Variants in LAMA2 observed in about 807,000 individuals in gnomAD.
LAMA2 encodes laminin subunit alpha 2, also known as laminin subunit alpha-2.
LAMA2 carries 269 observed loss-of-function variants against 364.8 expected under a neutral mutation model. The observed-to-expected ratio is 0.74, with a 90% CI of 0.67 to 0.82. LAMA2 has a LOEUF of 0.82. Among genes scored for constraint, LAMA2 ranks in the 40% least tolerant of loss-of-function variants. The pLI is 0.00. For synonymous variants in LAMA2, 1,379 were observed against 1,370.6 expected (o/e 1.01, Z -0.14); for missense variants, 3,807 against 3,873.2 (o/e 0.98, Z 0.45).
chr6:129,215,196 C>T (rs1197048330), intron 12 of LAMA2, among the ~76,000 whole-genome samples: 1 of 152,080 alleles, frequency 6.6e-6, no homozygotes, highest in East Asian at 1.9e-4. Context: ...TCTCATCTTC[C>T]TTCTGAGAAC....
chr6:129,007,747 G>A (rs1375528121), intron 1 of LAMA2, among the ~76,000 whole-genome samples: 3 of 152,078 alleles, frequency 2.0e-5, no homozygotes, highest in Non-Finnish European at 2.9e-5. Flanking sequence ...TCCATTTTAG[G>A]CTGCCATTTT....
intron 9 of LAMA2, among the ~76,000 whole-genome samples, chr6:129,168,549 G>C (rs1779913427): frequency 6.6e-6 from 1 of 150,918 alleles, no homozygotes; most frequent in Non-Finnish European, 1.5e-5. Context: ...CCAGTACCAT[G>C]CTGTTTTGGT....
intron 52 of LAMA2, among the ~76,000 whole-genome samples, chr6:129,474,323 T>C (rs1166764705): frequency 2.0e-5 from 3 of 152,126 alleles, no homozygotes; most frequent in African/African-American, 7.2e-5. Flanking sequence ...CTGAAATTTC[T>C]TCTCCCCAAA....
chr6:129,210,700 G>T (rs1365489602), intron 12 of LAMA2, among the ~76,000 whole-genome samples: 2 of 152,092 alleles, frequency 1.3e-5, no homozygotes, highest in African/African-American at 4.8e-5. Context: ...AGGGCCTGTT[G>T]GGAAGAGGTT....
intron 12 of LAMA2, among the ~76,000 whole-genome samples, chr6:129,213,040 G>A (rs1783198336): frequency 6.6e-6 from 1 of 152,150 alleles, no homozygotes; most frequent in African/African-American, 2.4e-5. Flanking sequence ...TTTTTCAGAA[G>A]TGACAAAAGT....
intron 12 of LAMA2, among the ~76,000 whole-genome samples, chr6:129,229,692 G>A (rs191467882): frequency 6.6e-6 from 1 of 152,280 alleles, no homozygotes; most frequent in Non-Finnish European, 1.5e-5. Flanking sequence ...AAATGATCAA[G>A]TGTGGTTTGA....
At chr6:129,449,728 A>C (rs1378535496) in intron 45 of LAMA2, among the ~76,000 whole-genome samples, 2 of 152,240 alleles carry the variant, frequency 1.3e-5, no homozygotes, top group East Asian at 3.9e-4. Context: ...CTCAGTTTTA[A>C]AATGGCTTCT....
intron 1 of LAMA2, among the ~76,000 whole-genome samples, chr6:128,916,454 A>G (rs541363155): frequency 2.0e-5 from 3 of 152,328 alleles, no homozygotes; most frequent in African/African-American, 7.2e-5. Flanking sequence ...CTGTTACATG[A>G]ATACCTGAGT....
chr6:129,282,737 C>T (rs1181472597), intron 18 of LAMA2, among the ~76,000 whole-genome samples: 2 of 152,148 alleles, frequency 1.3e-5, no homozygotes, highest in Admixed American at 6.5e-5. Context: ...CATTCAGCTT[C>T]TTTCATTCCA....
chr6:129,322,990 C>T (rs1031632890), intron 28 of LAMA2, among the ~76,000 whole-genome samples: 2 of 152,128 alleles, frequency 1.3e-5, no homozygotes, highest in African/African-American at 4.8e-5. Context: ...GTGGCTTCAC[C>T]GTCCCATGAC....
rs570911826 is a variant in LAMA2 at position 128,941,637 on chromosome 6, A to C, written c.112+58280A>C. ...CAAGGTTCAGAAACAAAAAAAATAA[A>C]TGACATTCTGGAAAAAATAGATGTG... is the stretch of plus-strand genomic sequence containing the variant. On this transcript the variant is annotated intron_variant, in intron 1 of 64. Coordinates refer to ENST00000421865, the MANE Select transcript of LAMA2 (RefSeq NM_000426.4). 4.6e-5 allele frequency among the ~76,000 whole-genome samples: 7 copies of C among 152,264 alleles called. No homozygotes were observed. The East Asian group carries it at 1.3e-3, about 29-fold the overall frequency.
chr6:129,460,054 GA>G lies in LAMA2; in HGVS notation c.6868-142del, dbSNP rs1260020265. 3 of 763,074 alleles carry G rather than the reference GA, an allele frequency of 3.9e-6. No individual in the cohort carries two copies. The East Asian group carries it at 7.8e-5, about 20-fold the overall frequency. The allele number at this position is 763,074 out of a possible 1,614,324, so 47.3% of individuals were successfully genotyped here. A position where few individuals can be genotyped will look rare whatever the true frequency, so the allele number is the denominator to read the frequency against. On this transcript the variant is annotated intron_variant, in intron 48 of 64. Coordinates refer to ENST00000421865, the MANE Select transcript of LAMA2 (RefSeq NM_000426.4). ...TCTAAGGATACGGACAGACTATGAT[GA>G]AAAGATGAATATGTACATATGCCAA... is the stretch of plus-strand genomic sequence containing the variant.
intron 41 of LAMA2, among the ~76,000 whole-genome samples, chr6:129,437,679 T>C (rs1781900684): frequency 6.6e-6 from 1 of 152,044 alleles, no homozygotes; most frequent in Non-Finnish European, 1.5e-5. Context: ...GTATAGGATT[T>C]TTCATATTTT....
chr6:128,962,183 T>TACACAC (rs1242291382), intron 1 of LAMA2, among the ~76,000 whole-genome samples: 9 of 113,922 alleles, frequency 7.9e-5, no homozygotes, highest in African/African-American at 2.8e-4. Context: ...TATATATATA[T>TACACAC]ATACACACAT....
chr6:128,964,436 T>C (rs1237376890), intron 1 of LAMA2, among the ~76,000 whole-genome samples: 1 of 152,102 alleles, frequency 6.6e-6, no homozygotes, highest in Non-Finnish European at 1.5e-5. Flanking sequence ...CAGTGAATAT[T>C]GGCATGATTT....
In LAMA2 at chr6:128,885,490, T is replaced by C. The variant is rs1776099069; in HGVS notation, c.112+2133T>C. Among the ~76,000 whole-genome samples, 4 of 152,218 alleles carry C rather than the reference T, an allele frequency of 2.6e-5. No homozygotes were observed. In the South Asian group the frequency reaches 8.3e-4, roughly 32 times the overall value. On this transcript the variant is annotated intron_variant, in intron 1 of 64. Coordinates refer to ENST00000421865, the MANE Select transcript of LAMA2 (RefSeq NM_000426.4). ...CCCTTTTTTATGGTTCCAAGGTTTCTTTCCATTAATTGTTTAGGCCATGTT... is the reference window on the plus strand; with the variant it reads ...CCCTTTTTTATGGTTCCAAGGTTTCCTTCCATTAATTGTTTAGGCCATGTT...
chr6:129,285,852 G>A (rs946219723), intron 18 of LAMA2, among the ~76,000 whole-genome samples: 1 of 151,974 alleles, frequency 6.6e-6, no homozygotes, highest in Non-Finnish European at 1.5e-5. Context: ...TATATCTGTG[G>A]TTGGCAATAT....
chr6:129,025,979 C>A (rs527317910), intron 1 of LAMA2, among the ~76,000 whole-genome samples: 1 of 152,136 alleles, frequency 6.6e-6, no homozygotes, highest in Admixed American at 6.5e-5. Context: ...TGCAAGGTTT[C>A]ACGAATCAGG....
chr6:128,909,646 A>C (rs1777755234), intron 1 of LAMA2, among the ~76,000 whole-genome samples: 1 of 148,282 alleles, frequency 6.7e-6, no homozygotes, highest in South Asian at 2.2e-4. Context: ...ATTTAAAGTT[A>C]ATATTGTTAT....
Sources: gnomAD v4.1 joint callset for allele counts (sites outside exome capture counted in the v4.1 genomes callset) on GRCh38, gnomAD v4.1.1 for gene constraint, MANE v1.5 for transcripts, NCBI Gene and HGNC (gene_info 2026-07-23, HGNC 2026-07-21) for gene names.